Variants in BANK1 observed in about 807,000 individuals in gnomAD.
The protein encoded by BANK1 is B-cell scaffold protein with ankyrin repeats.
In BANK1, 95 loss-of-function variants were observed where a neutral mutation model predicts 94.5. The ratio of observed to expected loss-of-function variants is 1.00; its 90% CI spans 0.85 to 1.19. The LOEUF (loss-of-function observed/expected upper bound fraction) is 1.19. BANK1 is among the 50% of genes most tolerant of loss of function. BANK1 has a pLI of 0.00. For synonymous variants in BANK1, 334 were observed against 308.4 expected, an observed-to-expected ratio of 1.08 and a Z score of -0.87; for missense variants, 987 against 932.2, an observed-to-expected ratio of 1.06 and a Z score of -0.77.
At chr4:101,840,435 C>G (rs1466286852) in intron 2 of BANK1, among the ~76,000 whole-genome samples, 1 of 152,178 alleles carries the variant, frequency 6.6e-6, no homozygotes, top group Non-Finnish European at 1.5e-5. Flanking sequence ...AACAAAATCT[C>G]TGAAGCACTG....
At chr4:101,901,322 A>G (rs1449495358) in intron 6 of BANK1, among the ~76,000 whole-genome samples, 2 of 152,256 alleles carry the variant, frequency 1.3e-5, no homozygotes, top group Non-Finnish European at 2.9e-5. Context: ...ATGCAGACTG[A>G]TTGAGACAAT....
intron 7 of BANK1, among the ~76,000 whole-genome samples, chr4:101,992,462 A>T (rs763609758): frequency 3.2e-4 from 49 of 152,060 alleles, no homozygotes; most frequent in Non-Finnish European, 5.1e-4. Flanking sequence ...TAAATTCAAA[A>T]TTTTTTTACC....
intron 7 of BANK1, among the ~76,000 whole-genome samples, chr4:101,951,852 C>T (rs1724169502): frequency 2.1e-5 from 3 of 142,008 alleles, no homozygotes; most frequent in South Asian, 4.3e-4. Context: ...TACTCAGAAC[C>T]CATTTAGATT....
At chr4:101,879,085 GAAGAA>G (rs1015726797) in intron 5 of BANK1, among the ~76,000 whole-genome samples, 14 of 151,930 alleles carry the variant, frequency 9.2e-5, no homozygotes, top group Middle Eastern at 6.8e-3. Flanking sequence ...AAAATTAGTA[GAAGAA>G]AAGAAGTAAT....
intron 5 of BANK1, among the ~76,000 whole-genome samples, chr4:101,883,418 C>T (rs10008456): frequency 4.6e-5 from 7 of 152,136 alleles, no homozygotes; most frequent in Non-Finnish European, 8.8e-5. Context: ...AAGTCATCTT[C>T]GTCTATTTTC....
In BANK1 at chr4:102,010,032, T is replaced by C. The variant is rs562794410; in HGVS notation, c.1207-11482T>C. Among the ~76,000 whole-genome samples, 570 of 152,244 alleles carry C rather than the reference T, an allele frequency of 3.7e-3. 5 individuals are homozygous for C. The highest frequency in any genetic ancestry group is 0.024 in the Middle Eastern group (7 of 294). Reference sequence around the variant, plus strand: ...CTGTAATCCCAGCACTTTGGGAGGCTAAGGTGGGCAGATCACGAAGTCAGG... The same window carrying C: ...CTGTAATCCCAGCACTTTGGGAGGCCAAGGTGGGCAGATCACGAAGTCAGG... On this transcript the variant is annotated intron_variant, in intron 7 of 16. Coordinates refer to ENST00000322953, the MANE Select transcript of BANK1 (RefSeq NM_017935.5).
At chr4:101,900,131 A>G (rs1041229932) in intron 6 of BANK1, among the ~76,000 whole-genome samples, 1 of 152,222 alleles carries the variant, frequency 6.6e-6, no homozygotes. Flanking sequence ...GTGAAAGATT[A>G]TTAAGCAATC....
intron 7 of BANK1, among the ~76,000 whole-genome samples, chr4:101,987,408 T>C (rs1005777876): frequency 6.6e-6 from 1 of 152,182 alleles, no homozygotes; most frequent in African/African-American, 2.4e-5. Context: ...GTCTTGCTGA[T>C]AATAAGTGGC....
rs538096807 is a variant in BANK1 at position 102,019,816 on chromosome 4, A to G, written c.1207-1698A>G. Reference sequence around the variant, plus strand: ...ATTTCTACAGAGCATTTTATTCTGGAGAAAACAATTACTCCCTGCATAGTC... The same window carrying G: ...ATTTCTACAGAGCATTTTATTCTGGGGAAAACAATTACTCCCTGCATAGTC... On this transcript the variant is annotated intron_variant, in intron 7 of 16. Transcript: ENST00000322953. Among the ~76,000 whole-genome samples the G allele has an allele frequency of 3.9e-5, 6 of 152,324 alleles. No homozygotes were observed. In the South Asian group the frequency reaches 1.0e-3, roughly 26 times the overall value.
intron 1 of BANK1, among the ~76,000 whole-genome samples, chr4:101,815,409 T>G (rs968936306): frequency 6.6e-6 from 1 of 152,116 alleles, no homozygotes; most frequent in Non-Finnish European, 1.5e-5. Flanking sequence ...AAATTGTAAG[T>G]ATTGCACCTG....
chr4:101,791,487 C>G (rs1271427851), intron 1 of BANK1, among the ~76,000 whole-genome samples: 2 of 152,128 alleles, frequency 1.3e-5, no homozygotes, highest in Admixed American at 1.3e-4. Flanking sequence ...GCTTTACTAA[C>G]TTGGTCAAAG....
chr4:101,814,705 C>A (rs993984488), intron 1 of BANK1, among the ~76,000 whole-genome samples: 2 of 152,164 alleles, frequency 1.3e-5, no homozygotes, highest in African/African-American at 4.8e-5. Context: ...TGACCTTGGG[C>A]AAGTCTCTTA....
At position 101,991,729 on chromosome 4, in the gene BANK1, G is replaced by T. The variant is rs76238929; in HGVS notation, c.1207-29785G>T. ...ATTCCATGTATATCTGGGGGCAGTG[G>T]GGGTGGGGAAGAACCAGCAAGTAGA... On this transcript the variant is annotated intron_variant, in intron 7 of 16. Transcript: ENST00000322953. Among the ~76,000 whole-genome samples, 647 of 152,300 alleles carry T rather than the reference G, an allele frequency of 4.2e-3. 8 individuals carry two copies. Among genetic ancestry groups the T allele is most frequent in the African/African-American group, 0.015 (635 of 41,578 alleles).
chr4:101,954,778 A>G (rs1382038395), intron 7 of BANK1, among the ~76,000 whole-genome samples: 2 of 152,174 alleles, frequency 1.3e-5, no homozygotes, highest in Non-Finnish European at 2.9e-5. Flanking sequence ...TAAGTATTTT[A>G]TGTAATGCTA....
chr4:102,016,134 A>C (rs1423612696), intron 7 of BANK1, among the ~76,000 whole-genome samples: 1 of 152,214 alleles, frequency 6.6e-6, no homozygotes, highest in Non-Finnish European at 1.5e-5. Context: ...CTCAGATTTA[A>C]TATCATCTAT....
At chr4:101,905,226 C>T (rs899378007) in intron 6 of BANK1, among the ~76,000 whole-genome samples, 1 of 152,184 alleles carries the variant, frequency 6.6e-6, no homozygotes, top group African/African-American at 2.4e-5. Flanking sequence ...TAAAAGTAAT[C>T]CTGTTGTCCC....
chr4:101,806,356 T>TA (rs66829902), intron 1 of BANK1, among the ~76,000 whole-genome samples: 40,625 of 151,914 alleles, frequency 0.27, 5,753 homozygotes, highest in Non-Finnish European at 0.32. Context: ...TAAAAAAAAA[T>TA]AAAAAATTAA....
chr4:101,835,486 A>T (rs1381078618), intron 2 of BANK1, among the ~76,000 whole-genome samples: 11 of 152,186 alleles, frequency 7.2e-5, no homozygotes, highest in Admixed American at 7.2e-4. Flanking sequence ...AAGAACCTTA[A>T]CATTTCCATT....
chr4:101,988,224 G>C (rs1725581678), intron 7 of BANK1, among the ~76,000 whole-genome samples: 1 of 152,116 alleles, frequency 6.6e-6, no homozygotes. Context: ...CCGTGGTATT[G>C]TTTGACTCAA....
Sources: allele counts gnomAD v4.1 joint callset (sites outside exome capture counted in the v4.1 genomes callset), GRCh38; gene constraint gnomAD v4.1.1; transcripts MANE v1.5; gene names NCBI Gene and HGNC (gene_info 2026-07-23, HGNC 2026-07-21).